CEP112: variants seen among roughly 807,000 people sequenced by gnomAD.
CEP112 encodes the protein centrosomal protein 112.
A neutral mutation model predicts 153.0 loss-of-function variants in CEP112; 127 were observed. That is an observed-to-expected ratio of 0.83 (90% CI 0.72 to 0.96). CEP112 has a LOEUF of 0.96. CEP112 is among the 40% of genes least tolerant of loss of function. The pLI is 0.00. For missense variants in CEP112, 1,089 were observed against 1,101.2 expected, an observed-to-expected ratio of 0.99 and a Z score of 0.16; for synonymous variants, 358 against 374.4, an observed-to-expected ratio of 0.96 and a Z score of 0.51.
chr17:65,999,043 T>C (rs977106600), intron 17 of CEP112, among the ~76,000 whole-genome samples: 1 of 152,142 alleles, frequency 6.6e-6, no homozygotes, highest in Non-Finnish European at 1.5e-5. Context: ...TTTAATTACA[T>C]GTTAATATGT....
At chr17:66,149,798 T>C (rs905245507) in intron 4 of CEP112, among the ~76,000 whole-genome samples, 6 of 151,472 alleles carry the variant, frequency 4.0e-5, no homozygotes, top group Non-Finnish European at 8.8e-5. Context: ...TTTCATATTT[T>C]ATTTCCTTCC....
intron 21 of CEP112, among the ~76,000 whole-genome samples, chr17:65,787,044 A>G (rs1350848115): frequency 6.6e-6 from 1 of 152,136 alleles, no homozygotes; most frequent in Non-Finnish European, 1.5e-5. Context: ...TGTGCTCTCT[A>G]TTCTGTTTCT....
At chr17:65,655,256 A>G (rs924937650) in intron 24 of CEP112, 6 of 1,011,198 alleles carry the variant, frequency 5.9e-6, no homozygotes, top group South Asian at 2.5e-5. Flanking sequence ...ACGGTGATCT[A>G]TGGTGCAGAC....
At chr17:65,764,226 C>A (rs2052795547) in intron 21 of CEP112, among the ~76,000 whole-genome samples, 1 of 151,278 alleles carries the variant, frequency 6.6e-6, no homozygotes, top group East Asian at 1.9e-4. Context: ...AACCATTTTT[C>A]TTGGTATTTT....
intron 17 of CEP112, among the ~76,000 whole-genome samples, chr17:65,985,925 T>C (rs2063390940): frequency 6.6e-6 from 1 of 151,808 alleles, no homozygotes; most frequent in Non-Finnish European, 1.5e-5. Flanking sequence ...GCCTACAAAC[T>C]AATCTGTGAT....
At chr17:65,843,071 G>A (rs2057583359) in intron 21 of CEP112, among the ~76,000 whole-genome samples, 1 of 152,060 alleles carries the variant, frequency 6.6e-6, no homozygotes, top group Non-Finnish European at 1.5e-5. Flanking sequence ...TATAAGACAA[G>A]ATTATAACCC....
chr17:65,984,633 G>C (rs9303496), intron 17 of CEP112, among the ~76,000 whole-genome samples: 79,071 of 151,894 alleles, frequency 0.52, 21,588 homozygotes, highest in African/African-American at 0.6. Flanking sequence ...CACAATCCTG[G>C]AACTCTGCCT....
At chr17:66,101,257 TA>T in intron 6 of CEP112, among the ~76,000 whole-genome samples, 1 of 152,234 alleles carries the variant, frequency 6.6e-6, no homozygotes, top group Admixed American at 6.5e-5. Context: ...ACATTGTATT[TA>T]AGGAACTCAG....
chr17:65,839,611 A>G (rs2057443417), intron 21 of CEP112, among the ~76,000 whole-genome samples: 1 of 152,138 alleles, frequency 6.6e-6, no homozygotes, highest in Non-Finnish European at 1.5e-5. Flanking sequence ...CTGAAATTAA[A>G]CAAGGATGCT....
rs1186684258 is a variant in CEP112 at position 65,783,088 on chromosome 17, AAAG to A, written c.2395-32367_2395-32365del. 9.2e-5 allele frequency among the ~76,000 whole-genome samples: 14 copies of A among 152,350 alleles called. No homozygotes were observed. The East Asian group carries it at 2.5e-3, about 27-fold the overall frequency. ...ACTTTTCAAGAAAATATTTAAAAAA[AAAG>A]AATAATTCACATTTAAAAAATGGGT... On this transcript the variant is annotated intron_variant, in intron 21 of 26. Transcript: ENST00000535342.
chr17:66,140,505 T>C (rs967026978), intron 4 of CEP112, among the ~76,000 whole-genome samples: 9 of 152,184 alleles, frequency 5.9e-5, no homozygotes, highest in Non-Finnish European at 1.0e-4. Context: ...TAATTGTATA[T>C]GCAGAAAACC....
intron 21 of CEP112, among the ~76,000 whole-genome samples, chr17:65,773,585 C>T (rs548017632): frequency 1.2e-4 from 19 of 152,118 alleles, no homozygotes; most frequent in African/African-American, 3.9e-4. Flanking sequence ...TAAATAAATG[C>T]TCATTGTAGA....
intron 12 of CEP112, among the ~76,000 whole-genome samples, chr17:66,039,340 G>C (rs1568417710): frequency 6.6e-6 from 1 of 152,034 alleles, no homozygotes; most frequent in Non-Finnish European, 1.5e-5. Flanking sequence ...AATTAAAAAG[G>C]GTTAGTATTA....
At chr17:65,902,857 C>T (rs1325659905) in intron 19 of CEP112, among the ~76,000 whole-genome samples, 2 of 152,088 alleles carry the variant, frequency 1.3e-5, no homozygotes, top group Non-Finnish European at 2.9e-5. Flanking sequence ...GGTATACCAA[C>T]ATAAACAGAT....
At chr17:66,142,343 ATTT>A (rs1297468748) in intron 4 of CEP112, among the ~76,000 whole-genome samples, 1 of 152,000 alleles carries the variant, frequency 6.6e-6, no homozygotes, top group African/African-American at 2.4e-5. Flanking sequence ...TGTGCAGGAG[ATTT>A]TTAAGTTGAT....
At chr17:65,735,374 A>G (rs1243118622) in intron 23 of CEP112, among the ~76,000 whole-genome samples, 1 of 152,166 alleles carries the variant, frequency 6.6e-6, no homozygotes. Context: ...TAAGACAGCC[A>G]TCCTACTTCA....
chr17:65,640,154 A>ATATATATATTTTT (rs1300751452), intron 25 of CEP112, among the ~76,000 whole-genome samples: 2 of 78,348 alleles, frequency 2.6e-5, no homozygotes, highest in African/African-American at 1.4e-4. Flanking sequence ...ATATATATAT[A>ATATATATATTTTT]TTTTTTTTTT....
At chr17:66,045,725 T>C (rs1568425982) in intron 12 of CEP112, among the ~76,000 whole-genome samples, 3 of 152,200 alleles carry the variant, frequency 2.0e-5, no homozygotes, top group Non-Finnish European at 4.4e-5. Flanking sequence ...GTTCTGGGCA[T>C]AATTTATTAA....
At chr17:65,821,620 C>T (rs1400851523) in intron 21 of CEP112, among the ~76,000 whole-genome samples, 2 of 134,628 alleles carry the variant, frequency 1.5e-5, no homozygotes, top group East Asian at 2.4e-4. Context: ...GGTGCGATCT[C>T]GGCTTACCAC....
Sources: gnomAD v4.1 joint callset for allele counts (sites outside exome capture counted in the v4.1 genomes callset) on GRCh38, gnomAD v4.1.1 for gene constraint, MANE v1.5 for transcripts, NCBI Gene and HGNC (gene_info 2026-07-23, HGNC 2026-07-21) for gene names.